The following CDH24 variants were observed in gnomAD, a reference collection of about 807,000 sequenced individuals.
CDH24 encodes cadherin-24.
CDH24 carries 61 observed loss-of-function variants against 71.2 expected under a neutral mutation model. The ratio of observed to expected loss-of-function variants is 0.86; its 90% CI spans 0.70 to 1.06. The LOEUF is 1.06. Ranked by LOEUF, CDH24 falls within the 50% of genes least tolerant of loss-of-function variation. The pLI is 0.00. For synonymous variants in CDH24, 440 were observed against 470.2 expected, an observed-to-expected ratio of 0.94 and a Z score of 0.83; for missense variants, 961 against 1,083.7, an observed-to-expected ratio of 0.89 and a Z score of 1.59.
intron 8 of CDH24, 92 bp from the exon 9 acceptor site, chr14:23,050,035 A>G: frequency 6.6e-7 from 1 of 1,515,408 alleles, no homozygotes. Flanking sequence ...TGCCACATGA[A>G]GCATATAGCA....
chr14:23,050,063 A>C, intron 8 of CDH24, 120 bp from the exon 9 acceptor site: 2 of 1,334,266 alleles, frequency 1.5e-6, no homozygotes, highest in Non-Finnish European at 2.1e-6. Flanking sequence ...GAAACACATG[A>C]AATATGCATG....
Position 23,054,722 on chromosome 14 carries a change from C to A in CDH24, c.616+25G>T. 6.2e-7 allele frequency: 1 copy of A among 1,614,032 alleles called. No homozygotes were observed. Among genetic ancestry groups the A allele is most frequent in the Non-Finnish European group, 8.5e-7 (1 of 1,179,970 alleles). On this transcript the variant is annotated intron_variant, in intron 4 of 12. Coordinates refer to ENST00000487137, the MANE Select transcript of CDH24 (RefSeq NM_144985.4). This position sits in a 1 kb window ranked among gnomAD's most constrained non-coding sequence, Gnocchi z 5.2. The stretch of plus-strand genomic sequence containing the variant: ...GGTGTCTGTCCCCTTGGCTGCCCCA[C>A]CGGGCTCCCAGGCTCCATCCTCACC...
intron 11 of CDH24, 57 bp from the exon 12 acceptor site, chr14:23,048,536 T>C (rs1430150314): frequency 2.6e-6 from 4 of 1,567,774 alleles, no homozygotes; most frequent in Non-Finnish European, 3.5e-6. Flanking sequence ...GCGGGCGGCC[T>C]GTCTCCATGT....
In CDH24 at chr14:23,055,380, A is replaced by G; in HGVS notation, c.202-27T>C. 4.4e-6 allele frequency: 7 copies of G among 1,598,536 alleles called. No homozygotes were observed. The highest frequency in any genetic ancestry group is 6.0e-6 in the Non-Finnish European group (7 of 1,168,146). On this transcript the variant is annotated intron_variant, in intron 2 of 12. Transcript: ENST00000487137. This position sits in a 1 kb window ranked among gnomAD's most constrained non-coding sequence, Gnocchi z 4.1. ...TGCAGGGGTCACGAAAAGATGGCAG[A>G]GGGCTCCAAGTACAGAGACAGGGTT...
At position 23,051,919 on chromosome 14, in the gene CDH24, C is replaced by T. The variant is rs988956622; in HGVS notation, c.1363+554G>A. 7 of 1,062,776 alleles carry T rather than the reference C, an allele frequency of 6.6e-6. No individual in the cohort carries two copies. Among genetic ancestry groups the T allele is most frequent in the Admixed American group, 2.6e-5 (1 of 38,972 alleles). The allele number at this position is 1,062,776 out of a possible 1,614,324, so 65.8% of individuals were successfully genotyped here. A position where few individuals can be genotyped will look rare whatever the true frequency, so the allele number is the denominator to read the frequency against. ...TGCTGGCCTGACTGATGGGGGAGAC[C>T]GCATATGGAGCTGGCACTCCTCCCC... On this transcript the variant is annotated intron_variant, in intron 8 of 12. Coordinates refer to ENST00000487137, the MANE Select transcript of CDH24 (RefSeq NM_144985.4). This position sits in a 1 kb window ranked among gnomAD's most constrained non-coding sequence, Gnocchi z 4.4.
At position 23,049,178 on chromosome 14, in the gene CDH24, C is replaced by A; in HGVS notation, c.1695G>T (p.Ala565=). Residue 565 remains alanine, a synonymous_variant, in exon 11 of 13, where the codon GCG becomes GCT. Coordinates refer to ENST00000487137, the MANE Select transcript of CDH24 (RefSeq NM_144985.4). ...PIELWDWGQP[A]LSSTATVTVS... Reference sequence around the variant, plus strand: ...CAGTCACTGTGGCAGTGCTGCTCAGCGCCGGCTGCCCCCAGTCCCACAGTT... The same window carrying A: ...CAGTCACTGTGGCAGTGCTGCTCAGAGCCGGCTGCCCCCAGTCCCACAGTT... The A allele has an allele frequency of 1.3e-6, 2 of 1,578,244 alleles. No homozygotes were observed. The highest frequency in any genetic ancestry group is 8.6e-7 in the Non-Finnish European group (1 of 1,161,826).
chr14:23,054,869 G>A lies in CDH24; in HGVS notation c.497-3C>T. The A allele has an allele frequency of 6.2e-7, 1 of 1,612,972 alleles. No individual in the cohort carries two copies. Among genetic ancestry groups the A allele is most frequent in the Non-Finnish European group, 8.5e-7 (1 of 1,180,012 alleles). ...AGTCACCTGGATCACTGATGTCCCT[G>A]TGGGGGATGCCAGCACGCCATTCAG... On this transcript the variant is annotated splice_region_variant and splice_polypyrimidine_tract_variant and intron_variant, in intron 3 of 12. Transcript: ENST00000487137. This position sits in a 1 kb window ranked among gnomAD's most constrained non-coding sequence, Gnocchi z 5.2.
rs564210668 is a variant in CDH24 at position 23,055,273 on chromosome 14, A to G, written c.282T>C (p.Ile94=). Residue 94 remains isoleucine, a synonymous_variant, in exon 3 of 13, where the codon ATT becomes ATC. Transcript: ENST00000487137. The surrounding 1 kb of genome is among the most constrained non-coding windows in gnomAD (Gnocchi z 4.1). ...TGEGAGTVFV[I]DEATGNIHVT... ...CATGAATATTGCCTGTGGCCTCATC[A>G]ATCACAAATACGGTGCCTGCCCCCT... 1.5e-4 allele frequency: 235 copies of G among 1,613,916 alleles called. 2 individuals carry two copies. The South Asian group carries it at 2.4e-3, about 17-fold the overall frequency.
In CDH24 at chr14:23,048,375, C is replaced by T; in HGVS notation, c.1951G>A (p.Gly651Ser). Residue 651 changes from glycine to serine, a missense_variant, in exon 12 of 13, where the codon GGC becomes AGC. This residue lies in a region of CDH24 where 290 missense variants were observed against 272.8 expected (regional missense o/e 1.06). Transcript: ENST00000487137. ...RENIITYDDE[G>S]GGEEDTEAFD... ...GCCTCGGTGTCCTCCTCGCCGCCGCCCTCGTCGTCGTAGGTGATGATGTTC... is the reference window on the plus strand; with the variant it reads ...GCCTCGGTGTCCTCCTCGCCGCCGCTCTCGTCGTCGTAGGTGATGATGTTC... The T allele has an allele frequency of 1.2e-6, 2 of 1,612,436 alleles. No individual in the cohort carries two copies. Among genetic ancestry groups the T allele is most frequent in the Non-Finnish European group, 8.5e-7 (1 of 1,179,588 alleles).
rs1566721375 is a variant in CDH24 at position 23,048,473 on chromosome 14, A to G, written c.1853T>C (p.Val618Ala). 1.2e-6 allele frequency: 2 copies of G among 1,606,644 alleles called. No individual in the cohort carries two copies. The highest frequency in any genetic ancestry group is 1.7e-4 in the Middle Eastern group (1 of 6,048). The change falls in exon 12 of 13, where the codon GTG (valine) becomes GCG (alanine). Residue 618 changes from valine (V) to alanine (A), a missense_variant. Val to Ala is a moderately conservative substitution (Grantham distance 64, BLOSUM62 0). Transcript: ENST00000487137. ...ITCVGALLALVVLFVALRRQK... is the reference protein window; with the variant it reads ...ITCVGALLALAVLFVALRRQK... ...CCGCCGCAGGGCCACGAAGAGCACC[A>G]CCAGGGCTGCGCGAGAGGCGCGCAC...
chr14:23,052,792 A>C (rs1192849909), intron 7 of CDH24, among the ~76,000 whole-genome samples, 183 bp from the exon 8 acceptor site: 7 of 151,750 alleles, frequency 4.6e-5, no homozygotes. Context: ...ACCATTAAAC[A>C]CCTGTTAAGA....
chr14:23,052,031 C>T, intron 8 of CDH24: 2 of 1,586,938 alleles, frequency 1.3e-6, no homozygotes, highest in Non-Finnish European at 1.7e-6. Flanking sequence ...CTGGTGCACT[C>T]CACTCAGCAA....
At position 23,049,219 on chromosome 14, in the gene CDH24, A is replaced by T; in HGVS notation, c.1654T>A (p.Tyr552Asn). Residue 552 changes from tyrosine (Y) to asparagine (N), a missense_variant, in exon 11 of 13, where the codon TAC (tyrosine) becomes AAC (asparagine). By Grantham distance (143) the Tyr-to-Asn change is moderately radical (BLOSUM62 -2). Coordinates refer to ENST00000487137, the MANE Select transcript of CDH24 (RefSeq NM_144985.4). ...TCCCACAGTTCTATGGGAACCAAGT[A>T]GGGGGCATGGCGGGGTGGAGCAGGG... Reference protein sequence around the residue: ...SRPAPPRHAPYLVPIELWDWG... With the variant: ...SRPAPPRHAPNLVPIELWDWG... 6.3e-7 allele frequency: 1 copy of T among 1,575,040 alleles called. No individual in the cohort carries two copies. The highest frequency in any genetic ancestry group is 1.2e-5 in the South Asian group (1 of 86,570).
At chr14:23,048,949 G>T in intron 11 of CDH24, 78 bp downstream of exon 11, 1 of 1,510,528 alleles carries the variant, frequency 6.6e-7, no homozygotes, top group South Asian at 1.3e-5. Context: ...GGATTTCCCT[G>T]TGTCCAGAGG....
At chr14:23,052,377 G>T (rs1427528768) in intron 8 of CDH24, 96 bp downstream of exon 8, 3 of 1,330,992 alleles carry the variant, frequency 2.3e-6, no homozygotes, top group Admixed American at 1.7e-5. Context: ...GCTGGTGAGG[G>T]TGCGATGGCA....
Position 23,054,278 on chromosome 14 carries a change from C to T in CDH24, c.835G>A (p.Gly279Ser). Residue 279 changes from glycine to serine, a missense_variant, in exon 6 of 13, where the codon GGC (glycine) becomes AGC (serine). Gly to Ser is a moderately conservative substitution (Grantham distance 56, BLOSUM62 0). Around this residue, in one of 2 missense-constraint regions of CDH24, gnomAD observed 671 missense variants for 810.9 expected, o/e 0.83. Transcript: ENST00000487137. This position sits in a 1 kb window ranked among gnomAD's most constrained non-coding sequence, Gnocchi z 5.2. ...TCTGGGTCCTGGGCCCGGAGCCGGC[C>T]CACCAGTGTGCCAGGTCCAGCTGTC... is the stretch of plus-strand genomic sequence containing the variant. ...VETAGPGTLV[G>S]RLRAQDPDLG... is the part of the protein sequence containing the mutation. 6.2e-7 allele frequency: 1 copy of T among 1,612,644 alleles called. No individual in the cohort carries two copies. The highest frequency in any genetic ancestry group is 8.5e-7 in the Non-Finnish European group (1 of 1,179,160).
chr14:23,049,179 G>A lies in CDH24; in HGVS notation c.1694C>T (p.Ala565Val), dbSNP rs375821742. 1.5e-5 allele frequency: 23 copies of A among 1,578,344 alleles called. No homozygotes were observed. Among genetic ancestry groups the A allele is most frequent in the East Asian group, 2.3e-5 (1 of 42,966 alleles). Residue 565 changes from alanine (A) to valine (V), a missense_variant, in exon 11 of 13, where the codon GCG (alanine) becomes GTG (valine). Transcript: ENST00000487137. ...PIELWDWGQP[A>V]LSSTATVTVS... ...AGTCACTGTGGCAGTGCTGCTCAGC[G>A]CCGGCTGCCCCCAGTCCCACAGTTC...
Position 23,054,956 on chromosome 14 carries a change from T to A in CDH24, c.497-90A>T, listed in dbSNP as rs536148838. ...GGGGGGATGCAGATACGAGGGAGGC[T>A]GAATTGAAGGGGGCAGGTTCTGGGG... is the stretch of plus-strand genomic sequence containing the variant. On this transcript the variant is annotated intron_variant, in intron 3 of 12. Transcript: ENST00000487137. This position sits in a 1 kb window ranked among gnomAD's most constrained non-coding sequence, Gnocchi z 5.2. The A allele has an allele frequency of 8.2e-6, 13 of 1,590,808 alleles. No individual in the cohort carries two copies. In the East Asian group the frequency reaches 1.1e-4, roughly 14 times the overall value.
In CDH24 at chr14:23,053,650, C is replaced by T. The variant is rs756794379; in HGVS notation, c.1072G>A (p.Val358Met). ...TGCACTGCCACACGCACAGAGGCCA[C>T]ATCCTTGAAGGGCCCTCGCCGCAGA... Reference protein sequence around the residue: ...AYLRRGPFKDVASVRVAVQDA... With the variant: ...AYLRRGPFKDMASVRVAVQDA... Residue 358 changes from valine (V) to methionine (M), a missense_variant, in exon 7 of 13, where the codon GTG (valine) becomes ATG (methionine). This residue lies in a region of CDH24 where 671 missense variants were observed against 810.9 expected (regional missense o/e 0.83). Transcript: ENST00000487137. 2 of 1,614,030 alleles carry T rather than the reference C, an allele frequency of 1.2e-6. No individual in the cohort carries two copies. Among genetic ancestry groups the T allele is most frequent in the South Asian group, 1.1e-5 (1 of 91,090 alleles).
Sources: gnomAD v4.1 joint callset for allele counts (sites outside exome capture counted in the v4.1 genomes callset) on GRCh38, gnomAD v4.1.1 for gene constraint, gnomAD v4.1.1 regional missense constraint, Gnocchi (gnomAD v3.1) non-coding constraint, MANE v1.5 for transcripts, NCBI Gene and HGNC (gene_info 2026-07-23, HGNC 2026-07-21) for gene names.